PCDHGB1: variants seen among roughly 807,000 people sequenced by gnomAD.
PCDHGB1 encodes protocadherin gamma-B1.
PCDHGB1 carries 34 observed loss-of-function variants against 56.6 expected under a neutral mutation model. The ratio of observed to expected loss-of-function variants is 0.60; its 90% CI spans 0.46 to 0.80. The LOEUF (loss-of-function observed/expected upper bound fraction) is 0.80. Among genes scored for constraint, PCDHGB1 ranks in the 30% least tolerant of loss-of-function variants. The pLI is 0.00. For missense variants in PCDHGB1, 1,278 were observed against 1,204.6 expected, an observed-to-expected ratio of 1.06 and a Z score of -0.90; for synonymous variants, 561 against 505.9, an observed-to-expected ratio of 1.11 and a Z score of -1.46.
chr5:141,509,447 C>T (rs898280593), intron 3 of PCDHGB1, among the ~76,000 whole-genome samples: 2 of 152,128 alleles, frequency 1.3e-5, no homozygotes, highest in Admixed American at 6.5e-5. Context: ...CCTCCTCTCC[C>T]ACCCCCGACC....
chr5:141,378,862 C>T (rs899917720), intron 1 of PCDHGB1: 2 of 152,096 alleles, frequency 1.3e-5, no homozygotes, highest in African/African-American at 4.8e-5. Flanking sequence ...CAATGATGTT[C>T]GAATAGAAAA....
In PCDHGB1 at chr5:141,399,794, C is replaced by A. The variant is rs2093888579; in HGVS notation, c.2409+47125C>A. ...GTGGGCGACCGAAACGACAACGCAC[C>A]GCGGGTGCTGTACCCCGCGCTGGGT... is the stretch of plus-strand genomic sequence containing the variant. On this transcript the variant is annotated intron_variant, in intron 1 of 3. Transcript: ENST00000523390. 1.9e-6 allele frequency: 3 copies of A among 1,613,268 alleles called. No homozygotes were observed. The highest frequency in any genetic ancestry group is 1.1e-5 in the South Asian group (1 of 91,052).
rs1453835891 is a variant in PCDHGB1 at position 141,477,494 on chromosome 5, T to G, written c.2410-17313T>G. On this transcript the variant is annotated intron_variant, in intron 1 of 3. Coordinates refer to ENST00000523390, the MANE Select transcript of PCDHGB1 (RefSeq NM_018922.3). The surrounding 1 kb of genome is among the most constrained non-coding windows in gnomAD (Gnocchi z 4.9). ...TGACAACCCTCCACAATCTTCTCAA[T>G]CTTCCTACGACGTTTACATTGAAGA... 1 of 1,614,088 alleles carries G rather than the reference T, an allele frequency of 6.2e-7. No individual in the cohort carries two copies.
At chr5:141,467,582 TGCCATTTATTAA>T (rs2099146610) in intron 1 of PCDHGB1, among the ~76,000 whole-genome samples, 2 of 152,216 alleles carry the variant, frequency 1.3e-5, no homozygotes, top group Non-Finnish European at 1.5e-5. Context: ...GTTGTCCCAA[TGCCATTTATTAA>T]GCACTTCATC....
rs532517723 is a variant in PCDHGB1, at chr5:141,486,244, A to G, written c.2410-8563A>G. The G allele has an allele frequency of 1.2e-5, 19 of 1,614,068 alleles. No homozygotes were observed. The Admixed American group carries it at 2.3e-4, about 20-fold the overall frequency. On this transcript the variant is annotated intron_variant, in intron 1 of 3. Coordinates refer to ENST00000523390, the MANE Select transcript of PCDHGB1 (RefSeq NM_018922.3). This position sits in a 1 kb window ranked among gnomAD's most constrained non-coding sequence, Gnocchi z 5.0. ...ACATCACAGTGACCTCAGAGCTTGGAACCCTCCCCGAGAGTGCAGAACCTG... is the reference window on the plus strand; with the variant it reads ...ACATCACAGTGACCTCAGAGCTTGGGACCCTCCCCGAGAGTGCAGAACCTG...
At chr5:141,426,775 A>G (rs2096959432) in intron 1 of PCDHGB1, 1 of 456,496 alleles carries the variant, frequency 2.2e-6, no homozygotes, top group South Asian at 1.5e-5. Context: ...GTAGGGCCTC[A>G]CTCTCTCCAG....
Position 141,395,542 on chromosome 5 carries a change from TTGTGTGTGTGTG to T in PCDHGB1, c.2409+42911_2409+42922del, listed in dbSNP as rs55729045. ...TCCATACTGGTAATTTTGCTATTGT[TTGTGTGTGTGTG>T]TGTGTGTGTGTGTGTGTGTGTGTGT... is the stretch of plus-strand genomic sequence containing the variant. On this transcript the variant is annotated intron_variant, in intron 1 of 3. Coordinates refer to ENST00000523390, the MANE Select transcript of PCDHGB1 (RefSeq NM_018922.3). 188 of 172,586 alleles carry T rather than the reference TTGTGTGTGTGTG, an allele frequency of 1.1e-3. 1 individual carries two copies. Among genetic ancestry groups the T allele is most frequent in the African/African-American group, 5.0e-3 (88 of 17,544 alleles). 10.7% of individuals were successfully genotyped at this position (172,586 alleles called of 1,614,324 possible).
At chr5:141,382,978 T>G in intron 1 of PCDHGB1, 1 of 1,610,702 alleles carries the variant, frequency 6.2e-7, no homozygotes, top group Non-Finnish European at 8.5e-7. Context: ...CTGGGAAGCC[T>G]GGGCAGGACG....
intron 1 of PCDHGB1, chr5:141,399,826 G>C (rs2093897872): frequency 1.2e-6 from 2 of 1,613,066 alleles, no homozygotes; most frequent in Non-Finnish European, 1.7e-6. Context: ...GGGTCCCGAC[G>C]GCTCTGCGCT....
chr5:141,471,006 T>A (rs560578929), intron 1 of PCDHGB1, among the ~76,000 whole-genome samples: 57 of 150,804 alleles, frequency 3.8e-4, no homozygotes, highest in African/African-American at 1.3e-3. Context: ...CATGAGCCAC[T>A]GTGCCTGGTC....
At chr5:141,451,036 G>T (rs973806381) in intron 1 of PCDHGB1, among the ~76,000 whole-genome samples, 1 of 150,880 alleles carries the variant, frequency 6.6e-6, no homozygotes, top group Non-Finnish European at 1.5e-5. Flanking sequence ...CACCATATTG[G>T]CCAGGCTGGT....
Position 141,351,201 on chromosome 5 carries a change from G to T in PCDHGB1, c.941G>T (p.Ser314Ile). 1.9e-6 allele frequency: 3 copies of T among 1,614,058 alleles called. No homozygotes were observed. Among genetic ancestry groups the T allele is most frequent in the Non-Finnish European group, 2.5e-6 (3 of 1,179,902 alleles). Residue 314 changes from serine (S) to isoleucine (I), a missense_variant, in exon 1 of 4, where the codon AGT (serine) becomes ATT (isoleucine). Transcript: ENST00000523390. ...GAAGAGACAAGTAGATATGTGTTGA[G>T]TGTGGAAGCTAAGGATGGAGGAGTA... Reference protein sequence around the residue: ...DFEETSRYVLSVEAKDGGVHT... With the variant: ...DFEETSRYVLIVEAKDGGVHT...
At chr5:141,423,470 A>G in intron 1 of PCDHGB1, 1 of 1,614,002 alleles carries the variant, frequency 6.2e-7, no homozygotes, top group Non-Finnish European at 8.5e-7. Context: ...GACGGGGTAC[A>G]GGCTTTCCTG....
Position 141,510,977 on chromosome 5 carries a change from G to T in PCDHGB1, c.2588G>T (p.Gly863Val). 1.2e-6 allele frequency: 2 copies of T among 1,614,170 alleles called. No individual in the cohort carries two copies. Among genetic ancestry groups the T allele is most frequent in the Non-Finnish European group, 1.7e-6 (2 of 1,180,020 alleles). The change falls in exon 4 of 4, where the codon GGG becomes GTG. Residue 863 changes from glycine to valine, a missense_variant. Physicochemically the swap from Gly to Val is moderately radical, Grantham distance 109. Transcript: ENST00000523390. ...GCTGATGGGAGCTCCACCCTGGGAG[G>T]GGGTGCCGGCACCATGGGATTGAGC... ...EAADGSSTLG[G>V]GAGTMGLSAR...
intron 1 of PCDHGB1, chr5:141,393,238 T>A: frequency 1.2e-6 from 2 of 1,613,734 alleles, no homozygotes; most frequent in Non-Finnish European, 8.5e-7. Context: ...GAAGTAAAAA[T>A]TAACGAAATC....
At chr5:141,360,987 G>T in intron 1 of PCDHGB1, 1 of 1,613,592 alleles carries the variant, frequency 6.2e-7, no homozygotes, top group South Asian at 1.1e-5. Flanking sequence ...TTCATAATGT[G>T]GACGAACAAG....
At chr5:141,377,359 T>A (rs1773912257) in intron 1 of PCDHGB1, 1 of 152,146 alleles carries the variant, frequency 6.6e-6, no homozygotes, top group South Asian at 2.1e-4. Flanking sequence ...TAATCCCACC[T>A]CTTCAGGAGG....
intron 1 of PCDHGB1, chr5:141,400,105 T>C (rs1282646842): frequency 6.2e-7 from 1 of 1,613,938 alleles, no homozygotes; most frequent in Non-Finnish European, 8.5e-7. Context: ...GCACTTGGTC[T>C]TTGCTGACAG....
chr5:141,352,339 C>T lies in PCDHGB1; in HGVS notation c.2079C>T (p.Ala693=). Residue 693 remains alanine, a synonymous_variant, in exon 1 of 4, where the codon GCC becomes GCT. Coordinates refer to ENST00000523390, the MANE Select transcript of PCDHGB1 (RefSeq NM_018922.3). The stretch of plus-strand genomic sequence containing the variant: ...AGTTTTACCTGGTTGTGGCCTTGGC[C>T]TTGATCTCAGTGCTCTTTCTCCTCG... ...ELQFYLVVAL[A]LISVLFLLAV... is the part of the protein sequence containing the mutation. 3 of 1,614,082 alleles carry T rather than the reference C, an allele frequency of 1.9e-6. No homozygotes were observed. Among genetic ancestry groups the T allele is most frequent in the Non-Finnish European group, 2.5e-6 (3 of 1,179,908 alleles).
Sources: gnomAD v4.1 joint callset for allele counts (sites outside exome capture counted in the v4.1 genomes callset) on GRCh38, gnomAD v4.1.1 for gene constraint, Gnocchi (gnomAD v3.1) non-coding constraint, MANE v1.5 for transcripts, NCBI Gene and HGNC (gene_info 2026-07-23, HGNC 2026-07-21) for gene names.